WASHC5: variants seen among roughly 807,000 people sequenced by gnomAD.
The protein encoded by WASHC5 is WASH complex subunit 5, also known as WASH complex subunit strumpellin.
In WASHC5, 101 loss-of-function variants were observed where a neutral mutation model predicts 150.4. The observed-to-expected ratio is 0.67, with a 90% CI of 0.57 to 0.79. The LOEUF (loss-of-function observed/expected upper bound fraction) is 0.79, where lower values mean the gene tolerates loss of function less well. Among genes scored for constraint, WASHC5 ranks in the 30% least tolerant of loss-of-function variants. WASHC5 has a pLI of 0.00. For synonymous variants in WASHC5, 467 were observed against 491.2 expected (o/e 0.95, Z 0.65); for missense variants, 1,195 against 1,396.3 (o/e 0.86, Z 2.30).
In WASHC5 at chr8:125,078,926, C is replaced by T. The variant is rs766715153; in HGVS notation, c.523G>A (p.Ala175Thr). 3 of 1,613,362 alleles carry T rather than the reference C, an allele frequency of 1.9e-6. No homozygotes were observed. The highest frequency in any genetic ancestry group is 2.5e-6 in the Non-Finnish European group (3 of 1,179,588). Reference sequence around the variant, plus strand: ...ATATTTGAATCAGCAGAAGATCGAGCAGCACTGAGTCATATTCACAATGGG... The same window carrying T: ...ATATTTGAATCAGCAGAAGATCGAGTAGCACTGAGTCATATTCACAATGGG... ...MLVSYYRYSAARSSADSNMDD... is the reference protein window; with the variant it reads ...MLVSYYRYSATRSSADSNMDD... The change falls in exon 6 of 29, where the codon GCT becomes ACT. Residue 175 changes from alanine (A) to threonine (T), a missense_variant. Around this residue, in one of 3 missense-constraint regions of WASHC5, gnomAD observed 195 missense variants for 206.9 expected, o/e 0.94. Coordinates refer to ENST00000318410, the MANE Select transcript of WASHC5 (RefSeq NM_014846.4).
intron 18 of WASHC5, 87 bp from the exon 19 acceptor site, chr8:125,049,272 T>C (rs958880787): frequency 2.8e-6 from 4 of 1,445,964 alleles, no homozygotes; most frequent in Middle Eastern, 1.7e-4. Flanking sequence ...TTAAATAGTA[T>C]AGCAGGCCAG....
chr8:125,038,789 C>T, intron 25 of WASHC5, 41 bp downstream of exon 25: 1 of 1,611,378 alleles, frequency 6.2e-7, no homozygotes, highest in East Asian at 2.2e-5. Flanking sequence ...AAATACCATT[C>T]TGTACCCCCA....
intron 20 of WASHC5, among the ~76,000 whole-genome samples, chr8:125,045,474 G>A (rs1816037935): frequency 6.6e-6 from 1 of 152,178 alleles, no homozygotes; most frequent in Non-Finnish European, 1.5e-5. Context: ...GGGACCCTGA[G>A]TCCCTGGTAG....
chr8:125,027,467 A>G (rs1169004705), intron 28 of WASHC5, among the ~76,000 whole-genome samples: 1 of 152,254 alleles, frequency 6.6e-6, no homozygotes, highest in Non-Finnish European at 1.5e-5. Flanking sequence ...CAGCATTTGC[A>G]GTGACCCGGA....
intron 27 of WASHC5, among the ~76,000 whole-genome samples, chr8:125,031,662 A>G (rs541275631): frequency 1.1e-4 from 16 of 152,298 alleles, no homozygotes; most frequent in African/African-American, 3.8e-4. Context: ...GATAGCAGAG[A>G]AGGAGGCACA....
intron 6 of WASHC5, among the ~76,000 whole-genome samples, chr8:125,076,744 T>TAAAAAAAAAAAAAAAAAA (rs59580091): frequency 1.5e-5 from 2 of 132,250 alleles, no homozygotes; most frequent in South Asian, 5.1e-4. Flanking sequence ...AGTCTTTTCT[T>TAAAAAAAAAAAAAAAAAA]AAAAAAAAAA....
At chr8:125,066,098 T>A (rs766505019) in intron 10 of WASHC5, among the ~76,000 whole-genome samples, 1 of 152,188 alleles carries the variant, frequency 6.6e-6, no homozygotes, top group African/African-American at 2.4e-5. Context: ...ATATTTAAAT[T>A]TCCAGCACCT....
chr8:125,082,964 G>A (rs1586389833), intron 3 of WASHC5, 149 bp downstream of exon 3: 1 of 579,278 alleles, frequency 1.7e-6, no homozygotes, highest in South Asian at 2.3e-5. Context: ...AAGATGACCA[G>A]TGCCACAGGT....
In WASHC5 at chr8:125,076,270, G is replaced by C. The variant is rs4458896; in HGVS notation, c.864+78C>G. The C allele has an allele frequency of 0.051, 67,923 of 1,335,262 alleles. 5,282 individuals are homozygous for C. Among genetic ancestry groups the C allele is most frequent in the African/African-American group, 0.31 (21,800 of 69,496 alleles). 82.7% of individuals were successfully genotyped at this position (1,335,262 alleles called of 1,614,324 possible). A position where few individuals can be genotyped will look rare whatever the true frequency, so the allele number is the denominator to read the frequency against. ...CCCATTATTTACAACATTACAACCT[G>C]TGGGTTAAAGGCCAAAAGAATGGGA... On this transcript the variant is annotated intron_variant, in intron 7 of 28. Transcript: ENST00000318410.
Position 125,089,069 on chromosome 8 carries a change from C to G in WASHC5, c.-125+2546G>C, listed in dbSNP as rs770709352. 9.3e-4 allele frequency among the ~76,000 whole-genome samples: 141 copies of G among 152,326 alleles called. 1 individual carries two copies. Among genetic ancestry groups the G allele is most frequent in the Admixed American group, 4.8e-3 (73 of 15,302 alleles). On this transcript the variant is annotated intron_variant, in intron 1 of 28. Coordinates refer to ENST00000318410, the MANE Select transcript of WASHC5 (RefSeq NM_014846.4). ...TACACATTAAGGCATACATTATTAA[C>G]AAGTTCTTTTAGTTTCCTCTGTGAT...
chr8:125,029,659 C>G (rs553680136), intron 27 of WASHC5, among the ~76,000 whole-genome samples: 98 of 152,322 alleles, frequency 6.4e-4, no homozygotes, highest in African/African-American at 2.2e-3. Flanking sequence ...AACTACAGTG[C>G]CAAGCACTGT....
intron 20 of WASHC5, among the ~76,000 whole-genome samples, chr8:125,046,641 T>G (rs1463591233): frequency 6.6e-6 from 1 of 152,198 alleles, no homozygotes; most frequent in East Asian, 1.9e-4. Context: ...ATAAGAATAA[T>G]GCCTATAAGA....
Position 125,059,254 on chromosome 8 carries a change from T to C in WASHC5, c.1732A>G (p.Met578Val), listed in dbSNP as rs1327118501. ...AAGGTAGCTCTGAGTTTAGTAACCATGGATGGATTTACCCTTATGCTTTCT... is the reference window on the plus strand; with the variant it reads ...AAGGTAGCTCTGAGTTTAGTAACCACGGATGGATTTACCCTTATGCTTTCT... ...MQESIRVNPS[M>V]VTKLRATFLK... Residue 578 changes from methionine to valine, a missense_variant, in exon 14 of 29, where the codon ATG becomes GTG. By Grantham distance (21) the Met-to-Val change is conservative (BLOSUM62 1). This residue lies in a region of WASHC5 where 997 missense variants were observed against 1,168.1 expected (regional missense o/e 0.85). Transcript: ENST00000318410. 1.2e-6 allele frequency: 2 copies of C among 1,614,010 alleles called. No individual in the cohort carries two copies. The highest frequency in any genetic ancestry group is 1.1e-5 in the South Asian group (1 of 91,078).
At chr8:125,072,130 C>T (rs1419207031) in intron 9 of WASHC5, among the ~76,000 whole-genome samples, 2 of 151,900 alleles carry the variant, frequency 1.3e-5, no homozygotes, top group Admixed American at 1.3e-4. Context: ...TGCTTGGGCT[C>T]AGGAGTTTGA....
intron 1 of WASHC5, among the ~76,000 whole-genome samples, chr8:125,091,248 G>A (rs1258960657): frequency 6.6e-6 from 1 of 152,016 alleles, no homozygotes; most frequent in African/African-American, 2.4e-5. Context: ...TAACTAGAAT[G>A]CAAATCCACG....
Position 125,073,277 on chromosome 8 carries a change from C to A in WASHC5, c.1026G>T (p.Gln342His), listed in dbSNP as rs769522163. Reference protein sequence around the residue: ...TVSERVHAQVQQFLKEGYLRE... With the variant: ...TVSERVHAQVHQFLKEGYLRE... ...TTAAATAACCTTCTTTTAGAAATTG[C>A]TGCACTTGAGCATGCACTCTTTCAC... Residue 342 changes from glutamine to histidine, a missense_variant, in exon 9 of 29, where the codon CAG becomes CAT. Gln to His is a conservative substitution (Grantham distance 24). Coordinates refer to ENST00000318410, the MANE Select transcript of WASHC5 (RefSeq NM_014846.4). The A allele has an allele frequency of 6.2e-7, 1 of 1,614,042 alleles. No homozygotes were observed. Among genetic ancestry groups the A allele is most frequent in the Non-Finnish European group, 8.5e-7 (1 of 1,179,902 alleles).
intron 24 of WASHC5, 140 bp downstream of exon 24, chr8:125,039,655 A>T: frequency 7.3e-6 from 5 of 689,626 alleles, no homozygotes; most frequent in South Asian, 6.2e-5. Context: ...GACAGATTTG[A>T]TTATCCGTGG....
chr8:125,073,314 T>G lies in WASHC5; in HGVS notation c.989A>C (p.Tyr330Ser). 1.2e-6 allele frequency: 2 copies of G among 1,613,694 alleles called. No homozygotes were observed. Among genetic ancestry groups the G allele is most frequent in the Middle Eastern group, 3.3e-4 (2 of 6,058 alleles). The change falls in exon 9 of 29, where the codon TAT becomes TCT. Residue 330 changes from tyrosine (Y) to serine (S), a missense_variant. Around this residue, in one of 3 missense-constraint regions of WASHC5, gnomAD observed 997 missense variants for 1,168.1 expected, o/e 0.85. Coordinates refer to ENST00000318410, the MANE Select transcript of WASHC5 (RefSeq NM_014846.4). ...LSNVREQASR[Y>S]ATVSERVHAQ... ...ATGCACTCTTTCACTGACAGTAGCA[T>G]ATCTGCTTGCCTTGACAAATAAGAA...
At chr8:125,076,164 T>C (rs564312306) in intron 7 of WASHC5, among the ~76,000 whole-genome samples, 184 bp downstream of exon 7, 1 of 152,348 alleles carries the variant, frequency 6.6e-6, no homozygotes, top group Non-Finnish European at 1.5e-5. Context: ...CAGGAAGTTT[T>C]ACTGACTCAT....
Sources: gnomAD v4.1 joint callset for allele counts (sites outside exome capture counted in the v4.1 genomes callset) on GRCh38, gnomAD v4.1.1 for gene constraint, gnomAD v4.1.1 regional missense constraint, MANE v1.5 for transcripts, NCBI Gene and HGNC (gene_info 2026-07-23, HGNC 2026-07-21) for gene names.